OPTN: variants seen among roughly 807,000 people sequenced by gnomAD.
OPTN encodes optineurin.
OPTN carries 54 observed loss-of-function variants against 70.4 expected under a neutral mutation model. The ratio of observed to expected loss-of-function variants is 0.77; its 90% CI spans 0.62 to 0.96. The LOEUF (loss-of-function observed/expected upper bound fraction) is 0.96, where lower values mean the gene tolerates loss of function less well. OPTN is among the 40% of genes least tolerant of loss of function. The pLI is 0.00. For missense variants in OPTN, 624 were observed against 673.2 expected (o/e 0.93, Z 0.81); for synonymous variants, 256 against 248.5 (o/e 1.03, Z -0.28).
intron 5 of OPTN, among the ~76,000 whole-genome samples, chr10:13,114,770 T>TTATATAATTATATAATTATATAATTGTA (rs1833090507): frequency 2.0e-5 from 1 of 50,326 alleles, no homozygotes; most frequent in Non-Finnish European, 3.7e-5. Flanking sequence ...GCATATATAA[T>TTATATAATTATATAATTATATAATTGTA]TATATAATTA....
At chr10:13,111,682 T>G in intron 4 of OPTN, among the ~76,000 whole-genome samples, 1 of 151,204 alleles carries the variant, frequency 6.6e-6, no homozygotes, top group Non-Finnish European at 1.5e-5. Flanking sequence ...GGCGACAGAG[T>G]GAGACTCTGT....
In OPTN at chr10:13,100,659, T is replaced by C. The variant is rs546378844; in HGVS notation, c.-164+357T>C. Among the ~76,000 whole-genome samples, 4 of 152,184 alleles carry C rather than the reference T, an allele frequency of 2.6e-5. No homozygotes were observed. In the East Asian group the frequency reaches 7.8e-4, roughly 30 times the overall value. ...GGATTCCGCAGCCAGTTCCTCGCCA[T>C]AAGGAGGTGGTTACAGACACGCCTG... On this transcript the variant is annotated intron_variant, in intron 1 of 14. Transcript: ENST00000378747.
intron 7 of OPTN, among the ~76,000 whole-genome samples, chr10:13,120,539 C>G (rs972550670): frequency 2.0e-5 from 3 of 150,630 alleles, no homozygotes; most frequent in Non-Finnish European, 3.0e-5. Context: ...CCACCGCACT[C>G]CAGCCTGGGT....
chr10:13,134,725 G>A lies in OPTN; in HGVS notation c.1612+1144G>A, dbSNP rs534050727. Among the ~76,000 whole-genome samples, 51 of 152,126 alleles carry A rather than the reference G, an allele frequency of 3.4e-4. 1 individual carries two copies. The highest frequency in any genetic ancestry group is 1.2e-3 in the African/African-American group (50 of 41,524). ...TTACAGGCGTGAGCCACCACGCCCG[G>A]CTAATTTGTATTTTCAGTAGAGACA... is the stretch of plus-strand genomic sequence containing the variant. On this transcript the variant is annotated intron_variant, in intron 14 of 14. Transcript: ENST00000378747.
chr10:13,110,320 G>A lies in OPTN; in HGVS notation c.213G>A (p.Glu71=), dbSNP rs1832967695. Residue 71 remains glutamate (E), a synonymous_variant, in exon 4 of 15, where the codon GAG becomes GAA. Coordinates refer to ENST00000378747, the MANE Select transcript of OPTN (RefSeq NM_001008212.2). ...NNQAMKGRFE[E]LSAWTEKQKE... ...AAGCCATGAAAGGGAGATTTGAGGAGCTTTCGGCCTGGACAGAGAAACAGA... is the reference window on the plus strand; with the variant it reads ...AAGCCATGAAAGGGAGATTTGAGGAACTTTCGGCCTGGACAGAGAAACAGA... The A allele has an allele frequency of 2.1e-5, 34 of 1,614,146 alleles. No individual in the cohort carries two copies. Among genetic ancestry groups the A allele is most frequent in the Non-Finnish European group, 2.8e-5 (33 of 1,180,028 alleles).
intron 7 of OPTN, among the ~76,000 whole-genome samples, chr10:13,120,149 AT>A (rs1348589065): frequency 1.0e-3 from 144 of 144,522 alleles, no homozygotes; most frequent in Non-Finnish European, 8.7e-4. Flanking sequence ...CGCCCGGCTA[AT>A]TTTTTTTTTT....
At chr10:13,110,665 CT>C (rs1280052541) in intron 4 of OPTN, among the ~76,000 whole-genome samples, 189 bp downstream of exon 4, 3 of 152,024 alleles carry the variant, frequency 2.0e-5, no homozygotes, top group Non-Finnish European at 4.4e-5. Context: ...TGGATAATCT[CT>C]TTTAGAAGAA....
chr10:13,120,184 T>G (rs1833314670), intron 7 of OPTN, among the ~76,000 whole-genome samples: 1 of 151,740 alleles, frequency 6.6e-6, no homozygotes, highest in South Asian at 2.1e-4. Context: ...GAGACGGGGT[T>G]TCACCATGTT....
chr10:13,120,224 G>A (rs573774940), intron 7 of OPTN, among the ~76,000 whole-genome samples: 2 of 151,480 alleles, frequency 1.3e-5, no homozygotes, highest in African/African-American at 4.9e-5. Flanking sequence ...TCCTGACCTC[G>A]TGATCTGCCC....
chr10:13,118,943 C>T lies in OPTN; in HGVS notation c.682C>T (p.His228Tyr), dbSNP rs775448931. 3.2e-5 allele frequency: 52 copies of T among 1,613,832 alleles called. 1 individual carries two copies. The highest frequency in any genetic ancestry group is 4.4e-5 in the Non-Finnish European group (52 of 1,179,864). ...SADGAKNYFE[H>Y]EELTVSQLLL... ...AGATGGGGCCAAGAATTACTTCGAA[C>T]ATGAGGAGTTAACTGTGAGCCAGCT... Residue 228 changes from histidine to tyrosine, a missense_variant, in exon 7 of 15, where the codon CAT becomes TAT. Coordinates refer to ENST00000378747, the MANE Select transcript of OPTN (RefSeq NM_001008212.2).
intron 6 of OPTN, among the ~76,000 whole-genome samples, chr10:13,117,762 A>G (rs539313234): frequency 1.3e-5 from 2 of 152,170 alleles, no homozygotes; most frequent in Non-Finnish European, 2.9e-5. Flanking sequence ...ATAGATTTGT[A>G]AAACCTTCTT....
rs1400982119 is a variant in OPTN, at chr10:13,110,328, C to A, written c.221C>A (p.Ala74Asp). The change falls in exon 4 of 15, where the codon GCC becomes GAC. Residue 74 changes from alanine (A) to aspartate (D), a missense_variant. Ala to Asp is a moderately radical substitution (Grantham distance 126). Transcript: ENST00000378747. ...AMKGRFEELS[A>D]WTEKQKEERQ... Reference sequence around the variant, plus strand: ...AAAGGGAGATTTGAGGAGCTTTCGGCCTGGACAGAGAAACAGAAGGAAGAA... The same window carrying A: ...AAAGGGAGATTTGAGGAGCTTTCGGACTGGACAGAGAAACAGAAGGAAGAA... 2 of 1,613,888 alleles carry A rather than the reference C, an allele frequency of 1.2e-6. No homozygotes were observed. The highest frequency in any genetic ancestry group is 1.7e-6 in the Non-Finnish European group (2 of 1,180,018).
intron 14 of OPTN, 150 bp downstream of exon 14, chr10:13,133,731 A>C: frequency 1.4e-6 from 1 of 726,690 alleles, no homozygotes; most frequent in Non-Finnish European, 2.4e-6. Context: ...CAGCACTCCC[A>C]TCTCCATCCA....
intron 12 of OPTN, among the ~76,000 whole-genome samples, chr10:13,130,629 G>A (rs570983763): frequency 6.6e-6 from 1 of 151,690 alleles, no homozygotes; most frequent in South Asian, 2.1e-4. Context: ...ACATTGATAG[G>A]ATATCCCTTA....
intron 6 of OPTN, among the ~76,000 whole-genome samples, chr10:13,117,962 A>G (rs1833256972): frequency 6.6e-6 from 1 of 152,190 alleles, no homozygotes. Context: ...GTTTCCCCCA[A>G]ATTGCTTTTG....
chr10:13,105,680 G>A (rs1252453060), intron 1 of OPTN, among the ~76,000 whole-genome samples: 3 of 152,272 alleles, frequency 2.0e-5, no homozygotes, highest in Admixed American at 2.0e-4. Context: ...AGGCTGAGAT[G>A]GGTGGATCAC....
intron 14 of OPTN, among the ~76,000 whole-genome samples, chr10:13,135,238 G>A (rs1833674758): frequency 6.6e-6 from 1 of 152,142 alleles, no homozygotes; most frequent in Non-Finnish European, 1.5e-5. Flanking sequence ...ATGCCCGGGA[G>A]CCAGAAATAA....
At chr10:13,111,485 G>A (rs1412863403) in intron 4 of OPTN, among the ~76,000 whole-genome samples, 1 of 152,092 alleles carries the variant, frequency 6.6e-6, no homozygotes, top group Non-Finnish European at 1.5e-5. Context: ...ATCACCTGAG[G>A]TGAGGAGTTC....
intron 12 of OPTN, 40 bp from the exon 13 acceptor site, chr10:13,132,027 A>T (rs369825137): frequency 6.2e-7 from 1 of 1,600,352 alleles, no homozygotes; most frequent in South Asian, 1.1e-5. Context: ...ATCTGCATTC[A>T]TCTAGGTACT....
Sources: gnomAD v4.1 joint callset for allele counts (sites outside exome capture counted in the v4.1 genomes callset) on GRCh38, gnomAD v4.1.1 for gene constraint, MANE v1.5 for transcripts, NCBI Gene and HGNC (gene_info 2026-07-23, HGNC 2026-07-21) for gene names.